The following STOX2 variants were observed in gnomAD, a reference collection of about 807,000 sequenced individuals.
The protein encoded by STOX2 is storkhead box 2.
STOX2 carries 28 observed loss-of-function variants against 60.9 expected under a neutral mutation model. The observed-to-expected ratio is 0.46, with a 90% CI of 0.34 to 0.63. The LOEUF (loss-of-function observed/expected upper bound fraction) is 0.63, where lower values mean the gene tolerates loss of function less well. Among genes scored for constraint, STOX2 ranks in the 30% least tolerant of loss-of-function variants. STOX2 has a pLI of 0.01. For missense variants in STOX2, 1,024 were observed against 1,187.7 expected (o/e 0.86, Z 2.03); for synonymous variants, 472 against 463.9 (o/e 1.02, Z -0.22).
chr4:184,007,088 T>G (rs952312650), intron 2 of STOX2, among the ~76,000 whole-genome samples: 9 of 148,780 alleles, frequency 6.0e-5, no homozygotes, highest in African/African-American at 2.2e-4. Context: ...GTATAAAAAC[T>G]AATGCTCACT....
chr4:183,854,145 T>C (rs1270068625), intron 1 of STOX2, among the ~76,000 whole-genome samples: 1 of 152,252 alleles, frequency 6.6e-6, no homozygotes, highest in African/African-American at 2.4e-5. Flanking sequence ...GGGTTGTGTG[T>C]TCTTTCCTGA....
At position 184,009,499 on chromosome 4, in the gene STOX2, G is replaced by T; in HGVS notation, c.661G>T (p.Asp221Tyr). The T allele has an allele frequency of 6.2e-7, 1 of 1,614,026 alleles. No homozygotes were observed. Among genetic ancestry groups the T allele is most frequent in the Non-Finnish European group, 8.5e-7 (1 of 1,179,894 alleles). ...APTLQRKSAK[D>Y]CKDPYCPPSL... ...CACCCTGCAAAGGAAGTCTGCCAAG[G>T]ACTGCAAAGACCCTTACTGTCCCCC... is the stretch of plus-strand genomic sequence containing the variant. The change falls in exon 3 of 4, where the codon GAC (aspartate) becomes TAC (tyrosine). Residue 221 changes from aspartate (D) to tyrosine (Y), a missense_variant. Asp to Tyr is a radical substitution (Grantham distance 160). Around this residue, in one of 3 missense-constraint regions of STOX2, gnomAD observed 922 missense variants for 1,058.3 expected, o/e 0.87. Coordinates refer to ENST00000308497, the MANE Select transcript of STOX2 (RefSeq NM_020225.3). The surrounding 1 kb of genome is among the most constrained non-coding windows in gnomAD (Gnocchi z 4.0).
chr4:183,989,230 T>G (rs1732994994), intron 1 of STOX2, among the ~76,000 whole-genome samples: 1 of 150,554 alleles, frequency 6.6e-6, no homozygotes, highest in South Asian at 2.1e-4. Context: ...GAGACAGAGT[T>G]TTGCTCTTGT....
intron 1 of STOX2, among the ~76,000 whole-genome samples, chr4:183,891,351 A>T (rs1451600161): frequency 1.3e-4 from 13 of 97,456 alleles, no homozygotes; most frequent in Non-Finnish European, 2.7e-4. Context: ...TATATATATG[A>T]TGGAATTTAT....
intron 1 of STOX2, among the ~76,000 whole-genome samples, chr4:183,799,144 T>C (rs1171170567): frequency 1.3e-5 from 2 of 152,228 alleles, no homozygotes. Context: ...GACGAATTTA[T>C]AGCATTTTTA....
intron 1 of STOX2, among the ~76,000 whole-genome samples, chr4:183,970,011 A>T (rs1489900048): frequency 6.6e-6 from 1 of 152,106 alleles, no homozygotes; most frequent in African/African-American, 2.4e-5. Context: ...AGTATAAAGG[A>T]GCTGATCCAT....
intron 1 of STOX2, among the ~76,000 whole-genome samples, chr4:183,974,807 G>C (rs533726515): frequency 3.9e-5 from 6 of 152,262 alleles, no homozygotes; most frequent in African/African-American, 1.4e-4. Context: ...TAGAATAGCG[G>C]TAAGGATATG....
chr4:183,867,430 AC>A lies in STOX2; in HGVS notation c.364+69376del, dbSNP rs140736535. Among the ~76,000 whole-genome samples, 1,376 of 152,344 alleles carry A rather than the reference AC, an allele frequency of 9.0e-3. 25 individuals carry two copies. The highest frequency in any genetic ancestry group is 0.032 in the African/African-American group (1,319 of 41,574). On this transcript the variant is annotated intron_variant, in intron 1 of 2. Coordinates refer to the STOX2 transcript ENST00000513034. ...AGGCCAAGATCGGGACACAGCAGAT[AC>A]GTTTCCTGGACAGGGCTGCTGAGGG...
Position 184,010,831 on chromosome 4 carries a change from C to T in STOX2, c.1993C>T (p.Pro665Ser). 1 of 1,592,040 alleles carries T rather than the reference C, an allele frequency of 6.3e-7. No homozygotes were observed. The highest frequency in any genetic ancestry group is 1.2e-5 in the South Asian group (1 of 86,770). The change falls in exon 3 of 4, where the codon CCC becomes TCC. Residue 665 changes from proline to serine, a missense_variant. By Grantham distance (74) the Pro-to-Ser change is moderately conservative. Around this residue, in one of 3 missense-constraint regions of STOX2, gnomAD observed 922 missense variants for 1,058.3 expected, o/e 0.87. Coordinates refer to ENST00000308497, the MANE Select transcript of STOX2 (RefSeq NM_020225.3). The surrounding 1 kb of genome is among the most constrained non-coding windows in gnomAD (Gnocchi z 4.5). ...GTCACCAAAAGGGCCGGGTGGGGGC[C>T]CCGCTGCTTCGGGAGGAGTGGCTGA... ...EESPKGPGGG[P>S]AASGGVAEGI...
At chr4:183,863,918 A>G (rs1252827373) in intron 1 of STOX2, among the ~76,000 whole-genome samples, 1 of 152,208 alleles carries the variant, frequency 6.6e-6, no homozygotes, top group Non-Finnish European at 1.5e-5. Flanking sequence ...AGTTTGTGGA[A>G]GAGTGTCTGG....
chr4:183,873,949 C>T (rs1422221503), intron 1 of STOX2, among the ~76,000 whole-genome samples: 3 of 152,212 alleles, frequency 2.0e-5, no homozygotes, highest in African/African-American at 7.2e-5. Flanking sequence ...TTCCTCCAGA[C>T]TTGTGGTCTG....
chr4:183,961,158 G>C (rs561737978), intron 1 of STOX2, among the ~76,000 whole-genome samples: 1 of 152,092 alleles, frequency 6.6e-6, no homozygotes, highest in Non-Finnish European at 1.5e-5. Context: ...CGCTAGGGGG[G>C]ACACATACCA....
chr4:183,940,359 G>T (rs1024595221), intron 1 of STOX2, among the ~76,000 whole-genome samples: 5 of 152,208 alleles, frequency 3.3e-5, no homozygotes, highest in Non-Finnish European at 7.3e-5. Flanking sequence ...CGACTAAGCA[G>T]GTGTTTATGT....
At chr4:183,970,139 C>CGTGT (rs3042606) in intron 1 of STOX2, among the ~76,000 whole-genome samples, 23,464 of 126,594 alleles carry the variant, frequency 0.19, 2,328 homozygotes, top group East Asian at 0.3. Flanking sequence ...ACTACATGTA[C>CGTGT]GTGTGTGTGT....
chr4:183,987,045 A>G (rs905888256), intron 1 of STOX2, among the ~76,000 whole-genome samples: 5 of 152,020 alleles, frequency 3.3e-5, no homozygotes, highest in African/African-American at 9.7e-5. Context: ...ACCCACCTCT[A>G]TGGGTTTCTG....
chr4:183,803,789 C>G (rs997317881), intron 1 of STOX2, among the ~76,000 whole-genome samples: 4 of 152,068 alleles, frequency 2.6e-5, no homozygotes, highest in South Asian at 4.2e-4. Context: ...ATGGTGAAAC[C>G]CTGTCTCTAC....
intron 1 of STOX2, among the ~76,000 whole-genome samples, chr4:183,899,528 G>C (rs1741418789): frequency 6.6e-6 from 1 of 152,198 alleles, no homozygotes. Flanking sequence ...AATTTGAGTG[G>C]TCTGGACAGA....
intron 1 of STOX2, chr4:183,853,653 TA>T (rs1740219342): frequency 6.6e-6 from 1 of 152,242 alleles, no homozygotes; most frequent in Non-Finnish European, 1.5e-5. Context: ...ATAGTGAATG[TA>T]ATAAAATGTT....
intron 2 of STOX2, among the ~76,000 whole-genome samples, chr4:184,007,038 CAAAAAAA>C (rs1010667959): frequency 4.5e-4 from 28 of 62,618 alleles, no homozygotes; most frequent in East Asian, 1.6e-3. Context: ...AAAAACAAAA[CAAAAAAA>C]AAATTTTGTT....
Sources: gnomAD v4.1 joint callset for allele counts (sites outside exome capture counted in the v4.1 genomes callset) on GRCh38, gnomAD v4.1.1 for gene constraint, gnomAD v4.1.1 regional missense constraint, Gnocchi (gnomAD v3.1) non-coding constraint, MANE v1.5 for transcripts, NCBI Gene and HGNC (gene_info 2026-07-23, HGNC 2026-07-21) for gene names.